The following NXPH2 variants were observed in gnomAD, a reference collection of about 807,000 sequenced individuals.
NXPH2 encodes the protein neurexophilin 2.
In NXPH2, 5 loss-of-function variants were observed where a neutral mutation model predicts 19.8. That is an observed-to-expected ratio of 0.25 (90% CI 0.13 to 0.53). The LOEUF is 0.53. NXPH2 is among the 20% of genes least tolerant of loss of function. The pLI is 0.96. For missense variants in NXPH2, 289 were observed against 322.8 expected (o/e 0.90, Z 0.80); for synonymous variants, 154 against 127.4 (o/e 1.21, Z -1.41).
intron 1 of NXPH2, among the ~76,000 whole-genome samples, chr2:138,734,020 G>T (rs1323600107): frequency 6.6e-6 from 1 of 152,186 alleles, no homozygotes; most frequent in Non-Finnish European, 1.5e-5. Context: ...CAAGGCAGGT[G>T]GATCACCTGA....
intron 1 of NXPH2, among the ~76,000 whole-genome samples, chr2:138,748,462 G>C (rs1401754185): frequency 6.6e-6 from 1 of 152,134 alleles, no homozygotes; most frequent in African/African-American, 2.4e-5. Context: ...GACAATTATA[G>C]GACAAGAATA....
In NXPH2 at chr2:138,671,648, C is replaced by T. The variant is rs763349365; in HGVS notation, c.69G>A (p.Lys23=). 2 of 1,560,648 alleles carry T rather than the reference C, an allele frequency of 1.3e-6. No individual in the cohort carries two copies. The highest frequency in any genetic ancestry group is 1.2e-5 in the South Asian group (1 of 82,662). Residue 23 remains lysine (K), a synonymous_variant, in exon 2 of 2, where the codon AAG becomes AAA. Coordinates refer to ENST00000272641, the MANE Select transcript of NXPH2 (RefSeq NM_007226.3). ...GCCCCTCCGTGGCATGCACCACTTC[C>T]TTACTGTCACAAAATAGCTGTTTGA... is the stretch of plus-strand genomic sequence containing the variant. ...GLLQLLFCDS[K]EVVHATEGLD...
chr2:138,753,017 T>C (rs1174318731), intron 1 of NXPH2, among the ~76,000 whole-genome samples: 2 of 152,164 alleles, frequency 1.3e-5, no homozygotes, highest in Non-Finnish European at 2.9e-5. Context: ...CCATTATAAA[T>C]TTATGTTTCC....
At chr2:138,729,755 T>C (rs1681417488) in intron 1 of NXPH2, among the ~76,000 whole-genome samples, 1 of 152,208 alleles carries the variant, frequency 6.6e-6, no homozygotes, top group African/African-American at 2.4e-5. Context: ...CCAAGCTCCT[T>C]CCAACATGCT....
intron 1 of NXPH2, among the ~76,000 whole-genome samples, chr2:138,705,317 T>G (rs10194113): frequency 0.5 from 76,302 of 151,942 alleles, 21,324 homozygotes; most frequent in South Asian, 0.75. Flanking sequence ...CTTGATTTGA[T>G]ATATGGAATT....
intron 1 of NXPH2, among the ~76,000 whole-genome samples, chr2:138,682,874 C>A (rs1283583503): frequency 6.6e-6 from 1 of 152,176 alleles, no homozygotes. Flanking sequence ...CACACACATG[C>A]ATGCACGCAT....
chr2:138,712,336 C>T (rs1362953487), intron 1 of NXPH2, among the ~76,000 whole-genome samples: 1 of 152,186 alleles, frequency 6.6e-6, no homozygotes, highest in Non-Finnish European at 1.5e-5. Context: ...AAACTGCTGG[C>T]TTGATGAGTC....
chr2:138,673,390 A>G (rs894195913), intron 1 of NXPH2, among the ~76,000 whole-genome samples: 2 of 152,148 alleles, frequency 1.3e-5, no homozygotes, highest in Non-Finnish European at 2.9e-5. Context: ...TTATTGGTAT[A>G]TAATATTTTA....
chr2:138,745,824 G>A (rs969771059), intron 1 of NXPH2, among the ~76,000 whole-genome samples: 1 of 151,780 alleles, frequency 6.6e-6, no homozygotes, highest in Non-Finnish European at 1.5e-5. Context: ...TTATAGGGTG[G>A]GGGGAAGAAG....
At position 138,780,184 on chromosome 2, in the gene NXPH2, C is replaced by T. The variant is rs1028831102; in HGVS notation, c.51+7G>A. The T allele has an allele frequency of 6.7e-7, 1 of 1,490,594 alleles. No individual in the cohort carries two copies. Among genetic ancestry groups the T allele is most frequent in the Non-Finnish European group, 8.9e-7 (1 of 1,128,500 alleles). The allele number at this position is 1,490,594 out of a possible 1,614,324, so 92.3% of individuals were successfully genotyped here. Reference sequence around the variant, plus strand: ...CGTGTGGGACGGCGCGCGGGCCGGGCACTCACCAGCTGCAGCAAGCCAGGG... The same window carrying T: ...CGTGTGGGACGGCGCGCGGGCCGGGTACTCACCAGCTGCAGCAAGCCAGGG... On this transcript the variant is annotated splice_region_variant and intron_variant, in intron 1 of 1. Transcript: ENST00000272641.
intron 1 of NXPH2, among the ~76,000 whole-genome samples, chr2:138,730,130 T>C (rs1681424811): frequency 6.6e-6 from 1 of 152,150 alleles, no homozygotes; most frequent in Admixed American, 6.5e-5. Flanking sequence ...ACACTAGTCA[T>C]ATTGGACTAG....
intron 1 of NXPH2, among the ~76,000 whole-genome samples, chr2:138,698,169 A>G (rs1199047700): frequency 2.6e-5 from 4 of 152,096 alleles, no homozygotes; most frequent in African/African-American, 9.7e-5. Flanking sequence ...AAATCTCTCA[A>G]ATTTGAAGAA....
chr2:138,733,140 C>G (rs1002431555), intron 1 of NXPH2, among the ~76,000 whole-genome samples: 2 of 151,996 alleles, frequency 1.3e-5, no homozygotes, highest in African/African-American at 4.8e-5. Context: ...GTACATCCAT[C>G]CCATATCTAC....
chr2:138,753,036 T>C (rs1487499172), intron 1 of NXPH2, among the ~76,000 whole-genome samples: 1 of 152,184 alleles, frequency 6.6e-6, no homozygotes, highest in Non-Finnish European at 1.5e-5. Context: ...CCCCTTTTCA[T>C]ACGGTATTGT....
chr2:138,721,739 C>G (rs1009985046), intron 1 of NXPH2, among the ~76,000 whole-genome samples: 4 of 152,198 alleles, frequency 2.6e-5, no homozygotes, highest in Non-Finnish European at 5.9e-5. Flanking sequence ...GGCTCAGCCT[C>G]GCTTTCTTAC....
At chr2:138,761,890 C>T (rs896146202) in intron 1 of NXPH2, among the ~76,000 whole-genome samples, 13 of 152,112 alleles carry the variant, frequency 8.5e-5, no homozygotes, top group African/African-American at 2.9e-4. Flanking sequence ...GGGAGTAATG[C>T]TAAACACACA....
rs114377292 is a variant in NXPH2, at chr2:138,669,385, T to A, written c.*1537A>T. On this transcript the variant is annotated 3_prime_UTR_variant, in exon 2 of 2. Transcript: ENST00000272641. ...ATGTGGTGAACTCAGAGCAAGAACT[T>A]CAAGCCTGTACTACCACACACTAAG... 7.0e-3 allele frequency among the ~76,000 whole-genome samples: 1,064 copies of A among 152,162 alleles called. 12 individuals are homozygous for A. Among genetic ancestry groups the A allele is most frequent in the African/African-American group, 0.024 (1,014 of 41,550 alleles).
intron 1 of NXPH2, among the ~76,000 whole-genome samples, chr2:138,698,423 C>G (rs1370157683): frequency 2.0e-5 from 3 of 152,082 alleles, no homozygotes; most frequent in Non-Finnish European, 1.5e-5. Context: ...ATAATTTTCC[C>G]TTTATTTTTA....
intron 1 of NXPH2, among the ~76,000 whole-genome samples, chr2:138,714,979 C>T (rs553325510): frequency 6.6e-6 from 1 of 152,246 alleles, no homozygotes; most frequent in South Asian, 2.1e-4. Flanking sequence ...ATTTCCTGAA[C>T]ATCAATGGGA....
Sources: gnomAD v4.1 joint callset for allele counts (sites outside exome capture counted in the v4.1 genomes callset) on GRCh38, gnomAD v4.1.1 for gene constraint, MANE v1.5 for transcripts, NCBI Gene and HGNC (gene_info 2026-07-23, HGNC 2026-07-21) for gene names.